The following KCND2 variants were observed in gnomAD, a reference collection of about 807,000 sequenced individuals.
KCND2 encodes the protein A-type voltage-gated potassium channel KCND2.
A neutral mutation model predicts 54.4 loss-of-function variants in KCND2; 16 were observed. That is an observed-to-expected ratio of 0.29 (90% CI 0.20 to 0.45). KCND2 has a LOEUF of 0.45. Among genes scored for constraint, KCND2 ranks in the 20% least tolerant of loss-of-function variants. The pLI is 1.00. For missense variants in KCND2, 486 were observed against 824.2 expected (o/e 0.59, Z 5.02); for synonymous variants, 317 against 310.7 (o/e 1.02, Z -0.21).
chr7:120,454,159 A>C (rs1802161073), intron 1 of KCND2, among the ~76,000 whole-genome samples: 1 of 152,214 alleles, frequency 6.6e-6, no homozygotes, highest in Non-Finnish European at 1.5e-5. Context: ...CTGAAGAGAC[A>C]AAAGAAAACT....
chr7:120,615,255 C>A (rs1403303558), intron 1 of KCND2, among the ~76,000 whole-genome samples: 1 of 152,160 alleles, frequency 6.6e-6, no homozygotes, highest in East Asian at 1.9e-4. Context: ...CCAGAATGAT[C>A]AGTTATGACA....
intron 1 of KCND2, among the ~76,000 whole-genome samples, chr7:120,730,973 ACT>A (rs1005928240): frequency 3.3e-5 from 5 of 152,062 alleles, no homozygotes; most frequent in African/African-American, 1.2e-4. Flanking sequence ...TCAGGACTAC[ACT>A]CTCTGAGCAT....
intron 1 of KCND2, among the ~76,000 whole-genome samples, chr7:120,451,067 G>C (rs1339127490): frequency 6.6e-6 from 1 of 151,964 alleles, no homozygotes; most frequent in Non-Finnish European, 1.5e-5. Context: ...TCTTCCTCAA[G>C]CAAAGCATCA....
At chr7:120,380,074 A>G (rs1267419776) in intron 1 of KCND2, among the ~76,000 whole-genome samples, 8 of 152,080 alleles carry the variant, frequency 5.3e-5, no homozygotes, top group African/African-American at 1.9e-4. Context: ...AATACACGAA[A>G]ATATGAATTT....
intron 1 of KCND2, among the ~76,000 whole-genome samples, chr7:120,580,139 A>G (rs1792496629): frequency 6.6e-6 from 1 of 152,244 alleles, no homozygotes; most frequent in Non-Finnish European, 1.5e-5. Flanking sequence ...TTTATGTATC[A>G]GCACAGCATA....
chr7:120,718,682 T>A (rs1792632350), intron 1 of KCND2, among the ~76,000 whole-genome samples: 2 of 152,090 alleles, frequency 1.3e-5, no homozygotes. Flanking sequence ...TCTAAAGACA[T>A]TATTTACAGC....
intron 1 of KCND2, among the ~76,000 whole-genome samples, chr7:120,319,348 C>A (rs1799858963): frequency 6.6e-6 from 1 of 151,990 alleles, no homozygotes; most frequent in Non-Finnish European, 1.5e-5. Context: ...CATTTTCAAA[C>A]AAATATCAAG....
At chr7:120,692,462 A>C (rs555655064) in intron 1 of KCND2, among the ~76,000 whole-genome samples, 1 of 152,136 alleles carries the variant, frequency 6.6e-6, no homozygotes, top group Non-Finnish European at 1.5e-5. Flanking sequence ...AAAATGTTAA[A>C]CTACATTATG....
intron 1 of KCND2, among the ~76,000 whole-genome samples, chr7:120,486,007 A>C (rs942480099): frequency 6.6e-6 from 1 of 152,212 alleles, no homozygotes; most frequent in African/African-American, 2.4e-5. Flanking sequence ...TATAACATTA[A>C]AATATGTGAC....
chr7:120,463,506 C>T (rs1412066073), intron 1 of KCND2, among the ~76,000 whole-genome samples: 1 of 151,894 alleles, frequency 6.6e-6, no homozygotes, highest in East Asian at 1.9e-4. Context: ...GATTCTTTCA[C>T]GTTTTGATGT....
intron 1 of KCND2, among the ~76,000 whole-genome samples, chr7:120,436,938 C>T (rs1003740658): frequency 6.6e-6 from 1 of 152,156 alleles, no homozygotes; most frequent in Non-Finnish European, 1.5e-5. Flanking sequence ...AGTATGGAGA[C>T]TTGATCTATG....
intron 1 of KCND2, among the ~76,000 whole-genome samples, chr7:120,377,929 A>G (rs1044978934): frequency 2.0e-5 from 3 of 151,924 alleles, no homozygotes; most frequent in Admixed American, 6.6e-5. Flanking sequence ...CTCATGTTGC[A>G]TATGTAATGT....
chr7:120,674,425 C>A (rs1792032418), intron 1 of KCND2, among the ~76,000 whole-genome samples: 1 of 150,218 alleles, frequency 6.7e-6, no homozygotes, highest in Non-Finnish European at 1.5e-5. Flanking sequence ...AAAACCGTGT[C>A]TTTGTATCCT....
At chr7:120,450,704 C>T (rs1397332615) in intron 1 of KCND2, among the ~76,000 whole-genome samples, 1 of 152,168 alleles carries the variant, frequency 6.6e-6, no homozygotes, top group African/African-American at 2.4e-5. Flanking sequence ...GCCAGCATAA[C>T]TATGAAAACA....
intron 1 of KCND2, among the ~76,000 whole-genome samples, chr7:120,639,006 T>C (rs1793339888): frequency 6.6e-6 from 1 of 152,156 alleles, no homozygotes; most frequent in Non-Finnish European, 1.5e-5. Context: ...CCTGCGAGTG[T>C]TTTAAAGTCC....
chr7:120,450,672 A>G (rs1438539656), intron 1 of KCND2, among the ~76,000 whole-genome samples: 3 of 152,236 alleles, frequency 2.0e-5, no homozygotes, highest in Admixed American at 1.3e-4. Flanking sequence ...TCATTAAAAG[A>G]AGACAAAGGA....
chr7:120,712,023 T>C (rs1273108696), intron 1 of KCND2, among the ~76,000 whole-genome samples: 2 of 152,086 alleles, frequency 1.3e-5, no homozygotes, highest in South Asian at 2.1e-4. Context: ...CTCAGGTGCT[T>C]CCTTCCAATT....
intron 1 of KCND2, among the ~76,000 whole-genome samples, chr7:120,280,883 A>C (rs1248195890): frequency 6.6e-6 from 1 of 152,096 alleles, no homozygotes; most frequent in Non-Finnish European, 1.5e-5. Context: ...TTATTCTATT[A>C]ATGTAGTGCA....
intron 1 of KCND2, among the ~76,000 whole-genome samples, chr7:120,321,871 T>C (rs1799897106): frequency 6.6e-6 from 1 of 152,144 alleles, no homozygotes; most frequent in Admixed American, 6.6e-5. Context: ...AAGCATTTGT[T>C]GAATACTCCG....
Sources: allele counts gnomAD v4.1 joint callset (sites outside exome capture counted in the v4.1 genomes callset), GRCh38; gene constraint gnomAD v4.1.1; transcripts MANE v1.5; gene names NCBI Gene and HGNC (gene_info 2026-07-23, HGNC 2026-07-21).